The following MGAT4C variants were observed in gnomAD, a reference collection of about 807,000 sequenced individuals.
MGAT4C encodes MGAT4 family member C.
A neutral mutation model predicts 40.1 loss-of-function variants in MGAT4C; 19 were observed. The observed-to-expected ratio is 0.47, with a 90% confidence interval of 0.33 to 0.70. The LOEUF (loss-of-function observed/expected upper bound fraction) is 0.70, where lower values mean the gene tolerates loss of function less well. MGAT4C is among the 30% of genes least tolerant of loss of function. The probability of loss-of-function intolerance (pLI) is 0.02; values close to 1 mark genes in which losing one functional copy is unlikely to be tolerated. For synonymous variants in MGAT4C, 181 were observed against 187.1 expected, an observed-to-expected ratio of 0.97 and a Z score of 0.27; for missense variants, 491 against 563.2, an observed-to-expected ratio of 0.87 and a Z score of 1.30.
At chr12:86,161,950 C>G (rs1404071250) in intron 1 of MGAT4C, among the ~76,000 whole-genome samples, 1 of 152,040 alleles carries the variant, frequency 6.6e-6, no homozygotes, top group Non-Finnish European at 1.5e-5. Context: ...CAATGAGATA[C>G]CATCTCACAC....
At chr12:86,425,594 G>A (rs1033245427) in intron 3 of MGAT4C, among the ~76,000 whole-genome samples, 4 of 152,128 alleles carry the variant, frequency 2.6e-5, no homozygotes, top group African/African-American at 7.2e-5. Context: ...TTACTATACT[G>A]TTATACATAT....
chr12:86,821,839 T>C (rs1952712100), intron 1 of MGAT4C, among the ~76,000 whole-genome samples: 1 of 150,948 alleles, frequency 6.6e-6, no homozygotes, highest in Non-Finnish European at 1.5e-5. Context: ...CTTTTTTGGT[T>C]TGGAGATAAT....
At chr12:86,737,342 C>CTTT (rs36112885) in intron 1 of MGAT4C, among the ~76,000 whole-genome samples, 2,135 of 131,152 alleles carry the variant, frequency 0.016, 36 homozygotes, top group Middle Eastern at 0.032. Flanking sequence ...AACTAAAATA[C>CTTT]TTTTTTTTTT....
chr12:86,148,136 AT>A (rs1417847395), intron 1 of MGAT4C, among the ~76,000 whole-genome samples: 1 of 152,226 alleles, frequency 6.6e-6, no homozygotes, highest in African/African-American at 2.4e-5. Context: ...TAAATGGCGC[AT>A]TTTTAAAAGA....
intron 1 of MGAT4C, among the ~76,000 whole-genome samples, chr12:86,796,828 T>C (rs1952132149): frequency 6.6e-6 from 1 of 151,946 alleles, no homozygotes; most frequent in African/African-American, 2.4e-5. Flanking sequence ...GAAATGCATA[T>C]GTTAATTACT....
chr12:86,673,961 T>G (rs2136567861), intron 2 of MGAT4C, among the ~76,000 whole-genome samples: 1 of 152,134 alleles, frequency 6.6e-6, no homozygotes, highest in East Asian at 1.9e-4. Context: ...ACATTATAAA[T>G]GATAAATGAT....
chr12:86,806,231 ACT>A (rs1481664501), intron 1 of MGAT4C, among the ~76,000 whole-genome samples: 1 of 151,840 alleles, frequency 6.6e-6, no homozygotes, highest in Non-Finnish European at 1.5e-5. Flanking sequence ...TTTATTATGT[ACT>A]CTTTTATTAG....
chr12:86,429,329 A>C (rs940186329), intron 3 of MGAT4C, among the ~76,000 whole-genome samples: 1 of 152,140 alleles, frequency 6.6e-6, no homozygotes, highest in Non-Finnish European at 1.5e-5. Flanking sequence ...AATATACTTG[A>C]TATAATTTAT....
chr12:86,184,756 A>G (rs1166475868), intron 1 of MGAT4C, among the ~76,000 whole-genome samples: 2 of 150,714 alleles, frequency 1.3e-5, no homozygotes, highest in Admixed American at 6.6e-5. Flanking sequence ...AAAAAAAAAA[A>G]AAAAAAAACT....
chr12:86,052,706 G>C (rs1893006296), intron 1 of MGAT4C, among the ~76,000 whole-genome samples: 1 of 151,730 alleles, frequency 6.6e-6, no homozygotes, highest in Non-Finnish European at 1.5e-5. Context: ...CTTAAATCAT[G>C]TATTATTTTC....
intron 2 of MGAT4C, among the ~76,000 whole-genome samples, chr12:86,455,316 A>G (rs1957491466): frequency 6.6e-6 from 1 of 152,084 alleles, no homozygotes; most frequent in African/African-American, 2.4e-5. Flanking sequence ...AATTAATTAA[A>G]TCACTCCTTA....
chr12:86,067,704 A>G (rs1472601872), intron 1 of MGAT4C, among the ~76,000 whole-genome samples: 1 of 151,382 alleles, frequency 6.6e-6, no homozygotes, highest in African/African-American at 2.4e-5. Flanking sequence ...CTTAAAGTAT[A>G]AAAAAAAAGA....
intron 1 of MGAT4C, among the ~76,000 whole-genome samples, chr12:86,729,537 A>T (rs956222712): frequency 6.6e-6 from 1 of 151,988 alleles, no homozygotes; most frequent in African/African-American, 2.4e-5. Context: ...GCTATAAGTT[A>T]TTTTCCAAAA....
rs1331265462 is a variant in MGAT4C at position 85,978,089 on chromosome 12, T to A, written c.*1200A>T. 6.6e-6 allele frequency: 1 copy of A among 151,532 alleles called. No individual in the cohort carries two copies. Among genetic ancestry groups the A allele is most frequent in the Non-Finnish European group, 1.5e-5 (1 of 67,590 alleles). The allele number at this position is 151,532 out of a possible 1,614,324, so 9.4% of individuals were successfully genotyped here. On this transcript the variant is annotated 3_prime_UTR_variant, in exon 5 of 5. Coordinates refer to ENST00000611864, the MANE Select transcript of MGAT4C (RefSeq NM_001351288.2). ...TAGTCAAGTTTGCTTACTATTTGGGTGCTTATACCAAAAAAGCATCATTTA... is the reference window on the plus strand; with the variant it reads ...TAGTCAAGTTTGCTTACTATTTGGGAGCTTATACCAAAAAAGCATCATTTA...
At chr12:86,427,046 T>G (rs1592833602) in intron 3 of MGAT4C, among the ~76,000 whole-genome samples, 2 of 152,154 alleles carry the variant, frequency 1.3e-5, no homozygotes, top group East Asian at 3.9e-4. Context: ...GTCCATGCCT[T>G]ATTAATGTCA....
chr12:86,053,334 G>A (rs1893074649), intron 1 of MGAT4C, among the ~76,000 whole-genome samples: 1 of 151,802 alleles, frequency 6.6e-6, no homozygotes, highest in Admixed American at 6.6e-5. Flanking sequence ...AGGATGTTCT[G>A]TCCCTTGGTT....
chr12:86,108,221 C>T (rs1485662893), intron 1 of MGAT4C, among the ~76,000 whole-genome samples: 1 of 152,020 alleles, frequency 6.6e-6, no homozygotes, highest in Non-Finnish European at 1.5e-5. Context: ...TACCCTCTTC[C>T]TTTGGCATTT....
At chr12:86,580,248 T>G (rs1439624092) in intron 2 of MGAT4C, among the ~76,000 whole-genome samples, 2 of 151,560 alleles carry the variant, frequency 1.3e-5, no homozygotes, top group African/African-American at 4.8e-5. Flanking sequence ...CACCTCTCCC[T>G]ATCATACCTA....
At chr12:86,104,504 A>G (rs1875780857) in intron 1 of MGAT4C, among the ~76,000 whole-genome samples, 1 of 152,080 alleles carries the variant, frequency 6.6e-6, no homozygotes, top group African/African-American at 2.4e-5. Context: ...TTTTTCTAAA[A>G]CTCTTGAGTA....
Sources: gnomAD v4.1 joint callset for allele counts (sites outside exome capture counted in the v4.1 genomes callset) on GRCh38, gnomAD v4.1.1 for gene constraint, MANE v1.5 for transcripts, NCBI Gene and HGNC (gene_info 2026-07-23, HGNC 2026-07-21) for gene names.